ZP4: variants seen among roughly 807,000 people sequenced by gnomAD.
ZP4 encodes the protein zona pellucida sperm-binding protein 4.
Under a neutral mutation model 62.3 loss-of-function variants are expected in ZP4, and 62 were observed. The observed-to-expected ratio is 0.99, with a 90% CI of 0.81 to 1.23. The LOEUF (loss-of-function observed/expected upper bound fraction) is 1.23, where lower values mean the gene tolerates loss of function less well. ZP4 is among the 50% of genes most tolerant of loss of function. The pLI is 0.00. For missense variants in ZP4, 774 were observed against 656.0 expected, an observed-to-expected ratio of 1.18 and a Z score of -1.97; for synonymous variants, 289 against 247.3, an observed-to-expected ratio of 1.17 and a Z score of -1.58.
intron 10 of ZP4, among the ~76,000 whole-genome samples, chr1:237,883,904 G>T (rs1665004797): frequency 2.0e-5 from 3 of 151,274 alleles, no homozygotes; most frequent in Non-Finnish European, 4.4e-5. Context: ...AGGCTACCAT[G>T]AACTGTAATC....
intron 10 of ZP4, 45 bp from the exon 11 acceptor site, chr1:237,882,891 A>C (rs370517435): frequency 6.5e-7 from 1 of 1,543,624 alleles, no homozygotes; most frequent in African/African-American, 1.4e-5. Flanking sequence ...TTTTGCACAC[A>C]TAGGGCAGGG....
In ZP4 at chr1:237,885,154, G is replaced by A. The variant is rs777907570; in HGVS notation, c.1311+11C>T. ...GAGCCCTGGTGAGTGTCATGGAAGG[G>A]AACATCCTACCGGTCCCCTGAGGGC... is the stretch of plus-strand genomic sequence containing the variant. On this transcript the variant is annotated intron_variant, in intron 9 of 11. Coordinates refer to ENST00000366570, the MANE Select transcript of ZP4 (RefSeq NM_021186.5). The A allele has an allele frequency of 2.5e-6, 4 of 1,611,770 alleles. No homozygotes were observed. In the South Asian group the frequency reaches 4.4e-5, roughly 18 times the overall value.
intron 10 of ZP4, among the ~76,000 whole-genome samples, chr1:237,884,017 A>ACACACACACACAC (rs1665026966): frequency 1.1e-5 from 1 of 87,942 alleles, no homozygotes; most frequent in African/African-American, 4.8e-5. Context: ...CACACACACA[A>ACACACACACACAC]ACACACACAC....
At chr1:237,885,031 A>G (rs1029555717) in intron 9 of ZP4, 134 bp downstream of exon 9, 1 of 1,320,772 alleles carries the variant, frequency 7.6e-7, no homozygotes, top group Admixed American at 2.1e-5. Context: ...AATTAGTAAC[A>G]AGGGTTGCTC....
chr1:237,884,007 C>CACACACACAA (rs1162749493), intron 10 of ZP4, among the ~76,000 whole-genome samples: 1 of 92,604 alleles, frequency 1.1e-5, no homozygotes, highest in Non-Finnish European at 2.2e-5. Flanking sequence ...CACACACACA[C>CACACACACAA]ACACACACAA....
chr1:237,889,910 C>T lies in ZP4; in HGVS notation c.357G>A (p.Val119=), dbSNP rs761657325. 2 of 1,614,028 alleles carry T rather than the reference C, an allele frequency of 1.2e-6. No individual in the cohort carries two copies. Among genetic ancestry groups the T allele is most frequent in the East Asian group, 2.2e-5 (1 of 44,860 alleles). ...ACTTGAGCAGCTTCCTCTCTGTAACCACCTTGTGTTCAGCCGCGCCTGCTC... is the reference window on the plus strand; with the variant it reads ...ACTTGAGCAGCTTCCTCTCTGTAACTACCTTGTGTTCAGCCGCGCCTGCTC... ...VEGAGAAEHK[V]VTERKLLKCP... is the part of the protein sequence containing the mutation. The change falls in exon 3 of 12, where the codon GTG becomes GTA. Residue 119 remains valine (V), a synonymous_variant. Coordinates refer to ENST00000366570, the MANE Select transcript of ZP4 (RefSeq NM_021186.5).
chr1:237,884,183 T>C (rs368506931), intron 10 of ZP4, among the ~76,000 whole-genome samples: 3 of 152,184 alleles, frequency 2.0e-5, no homozygotes, highest in Admixed American at 6.5e-5. Flanking sequence ...AGTGATAATA[T>C]GCATTTTTGG....
intron 5 of ZP4, 135 bp downstream of exon 5, chr1:237,887,239 C>A: frequency 1.0e-6 from 1 of 1,004,124 alleles, no homozygotes; most frequent in Non-Finnish European, 1.5e-6. Context: ...CATTCTCCTG[C>A]CCTAGGGACT....
rs760895876 is a variant in ZP4 at position 237,886,909 on chromosome 1, T to A, written c.742-41A>T. On this transcript the variant is annotated intron_variant, in intron 5 of 11. Transcript: ENST00000366570. ...GAGAAGTCTTGATCATTTCTGTTAGTGTTATGCTGCTTGACTTGCATCTGG... is the reference window on the plus strand; with the variant it reads ...GAGAAGTCTTGATCATTTCTGTTAGAGTTATGCTGCTTGACTTGCATCTGG... 4.6e-5 allele frequency: 72 copies of A among 1,560,018 alleles called. No individual in the cohort carries two copies. The South Asian group carries it at 5.0e-4, about 11-fold the overall frequency.
In ZP4 at chr1:237,882,539, T is replaced by C; in HGVS notation, c.1506A>G (p.Val502=). 6.2e-7 allele frequency: 1 copy of C among 1,601,442 alleles called. No homozygotes were observed. Residue 502 remains valine, a synonymous_variant, in exon 12 of 12, where the codon GTA becomes GTG. Coordinates refer to ENST00000366570, the MANE Select transcript of ZP4 (RefSeq NM_021186.5). ...KDPPEKLRVP[V]DSKVLWVAGL... ...CTGCCACCCACAGAACTTTCGAGTC[T>C]ACAGGAACACCTGGAGGATGGATGG...
rs534527861 is a variant in ZP4, at chr1:237,888,339, G to C, written c.553+19C>G. On this transcript the variant is annotated intron_variant, in intron 4 of 11. Coordinates refer to ENST00000366570, the MANE Select transcript of ZP4 (RefSeq NM_021186.5). ...CCACACTTCCTCAGCTGGTTTCAGA[G>C]GTGTGCTCACTTACTCACCAGTGTT... is the stretch of plus-strand genomic sequence containing the variant. 1 of 1,550,478 alleles carries C rather than the reference G, an allele frequency of 6.4e-7. No homozygotes were observed. Among genetic ancestry groups the C allele is most frequent in the East Asian group, 2.3e-5 (1 of 43,194 alleles).
intron 10 of ZP4, among the ~76,000 whole-genome samples, chr1:237,883,983 A>AACACAC (rs1173733667): frequency 5.4e-4 from 23 of 42,402 alleles, no homozygotes; most frequent in Admixed American, 1.1e-3. Flanking sequence ...CACACACACA[A>AACACAC]ACACACACAC....
In ZP4 at chr1:237,884,754, A is replaced by C; in HGVS notation, c.1390+15T>G. ...GATTCATTCAAATCTGTCCTCTAACAGCTTGGTTACTCACGACTGAGATCA... is the reference window on the plus strand; with the variant it reads ...GATTCATTCAAATCTGTCCTCTAACCGCTTGGTTACTCACGACTGAGATCA... On this transcript the variant is annotated intron_variant, in intron 10 of 11. Coordinates refer to ENST00000366570, the MANE Select transcript of ZP4 (RefSeq NM_021186.5). The C allele has an allele frequency of 6.2e-7, 1 of 1,611,830 alleles. No homozygotes were observed. The highest frequency in any genetic ancestry group is 8.5e-7 in the Non-Finnish European group (1 of 1,178,734).
rs2103021948 is a variant in ZP4 at position 237,890,711 on chromosome 1, T to C, written c.-76A>G. 3.3e-6 allele frequency: 5 copies of C among 1,501,550 alleles called. No homozygotes were observed. The highest frequency in any genetic ancestry group is 2.5e-4 in the Middle Eastern group (1 of 4,074). The allele number at this position is 1,501,550 out of a possible 1,614,324, so 93.0% of individuals were successfully genotyped here. On this transcript the variant is annotated 5_prime_UTR_variant, in exon 1 of 12. Transcript: ENST00000366570. ...AGAGCCGAGGGTCTGCCTGCCCAGA[T>C]TCCTTTATATACAGAAGTCAGGCTT... is the stretch of plus-strand genomic sequence containing the variant.
At chr1:237,886,747 A>G (rs765063995) in intron 6 of ZP4, 24 bp downstream of exon 6, 1 of 1,601,580 alleles carries the variant, frequency 6.2e-7, no homozygotes, top group Non-Finnish European at 8.5e-7. Context: ...GGCAGATGGG[A>G]AGTCATTCTG....
Position 237,887,381 on chromosome 1 carries a change from G to A in ZP4, c.734C>T (p.Thr245Ile), listed in dbSNP as rs771751870. The A allele has an allele frequency of 3.1e-6, 5 of 1,613,874 alleles. No homozygotes were observed. In the South Asian group the frequency reaches 4.4e-5, roughly 14 times the overall value. The change falls in exon 5 of 12, where the codon ACA becomes ATA. Residue 245 changes from threonine to isoleucine, a missense_variant. Thr to Ile is a moderately conservative substitution (Grantham distance 89, BLOSUM62 -1). Transcript: ENST00000366570. The part of the protein sequence containing the change: ...FQFPFTSCGT[T>I]RQITGDRAVY... ...CAAAGCCCAACTGCTCACCTGTCTTGTGGTGCCACAGGAAGTAAATGGAAA... is the reference window on the plus strand; with the variant it reads ...CAAAGCCCAACTGCTCACCTGTCTTATGGTGCCACAGGAAGTAAATGGAAA...
At chr1:237,884,995 G>A in intron 9 of ZP4, 148 bp from the exon 10 acceptor site, 1 of 1,204,552 alleles carries the variant, frequency 8.3e-7, no homozygotes, top group Non-Finnish European at 1.2e-6. Flanking sequence ...AGGAACTGGA[G>A]TCCAGTTGAC....
chr1:237,887,117 T>G (rs1665121610), intron 5 of ZP4, among the ~76,000 whole-genome samples: 2 of 152,172 alleles, frequency 1.3e-5, no homozygotes, highest in Admixed American at 6.5e-5. Context: ...CCAGTCAGCA[T>G]CCCTGCTGGT....
chr1:237,884,881 A>AT, intron 9 of ZP4, 34 bp from the exon 10 acceptor site: 3 of 1,602,246 alleles, frequency 1.9e-6, no homozygotes, highest in Non-Finnish European at 2.6e-6. Flanking sequence ...CATTTGTAGT[A>AT]TCACCATGCC....
Sources: allele counts gnomAD v4.1 joint callset (sites outside exome capture counted in the v4.1 genomes callset), GRCh38; gene constraint gnomAD v4.1.1; transcripts MANE v1.5; gene names NCBI Gene and HGNC (gene_info 2026-07-23, HGNC 2026-07-21).